CORO2B: variants seen among roughly 807,000 people sequenced by gnomAD.
CORO2B encodes coronin-2B.
In CORO2B, 26 loss-of-function variants were observed where a neutral mutation model predicts 58.8. The ratio of observed to expected loss-of-function variants is 0.44; its 90% CI spans 0.32 to 0.61. The LOEUF is 0.61. Ranked by LOEUF, CORO2B falls within the 20% of genes least tolerant of loss-of-function variation. CORO2B has a pLI of 0.04. For missense variants in CORO2B, 460 were observed against 645.1 expected (o/e 0.71, Z 3.11); for synonymous variants, 242 against 253.8 (o/e 0.95, Z 0.44).
chr15:68,711,291 T>G (rs74020288), intron 4 of CORO2B, among the ~76,000 whole-genome samples: 2,294 of 152,274 alleles, frequency 0.015, 70 homozygotes, highest in African/African-American at 0.053. Context: ...ACAAGGAACA[T>G]GTATCCTTCT....
chr15:68,570,650 C>T, the CORO2B span, among the ~76,000 whole-genome samples: 6 of 152,156 alleles, frequency 3.9e-5, no homozygotes, highest in Admixed American at 3.3e-4. Flanking sequence ...ACAATGAAGG[C>T]TTTGGAAGCT....
the CORO2B span, among the ~76,000 whole-genome samples, chr15:68,562,660 A>G: frequency 6.6e-6 from 1 of 152,216 alleles, no homozygotes; most frequent in East Asian, 1.9e-4. Flanking sequence ...GAGAAATGAG[A>G]AAATTATAAA....
At chr15:68,531,559 A>AGGAAG in the CORO2B span, among the ~76,000 whole-genome samples, 43 of 134,090 alleles carry the variant, frequency 3.2e-4, no homozygotes, top group African/African-American at 1.2e-3. Flanking sequence ...AAGGAAGGAA[A>AGGAAG]GAAAGAGAAA....
chr15:68,531,902 T>C, the CORO2B span, among the ~76,000 whole-genome samples: 1 of 151,988 alleles, frequency 6.6e-6, no homozygotes, highest in South Asian at 2.1e-4. Flanking sequence ...ATTTAGTTTG[T>C]CTTTGTTTTT....
At chr15:68,531,198 A>C in the CORO2B span, among the ~76,000 whole-genome samples, 1 of 152,124 alleles carries the variant, frequency 6.6e-6, no homozygotes, top group East Asian at 1.9e-4. Flanking sequence ...TTTCAAAATA[A>C]GGCCTGGTGT....
intron 3 of CORO2B, among the ~76,000 whole-genome samples, chr15:68,704,941 C>G (rs1892746389): frequency 6.6e-6 from 1 of 152,142 alleles, no homozygotes; most frequent in Non-Finnish European, 1.5e-5. Flanking sequence ...CTGAGCAGAT[C>G]CACAGGGCTC....
At chr15:68,673,063 G>A (rs1902456241) in intron 2 of CORO2B, among the ~76,000 whole-genome samples, 1 of 152,228 alleles carries the variant, frequency 6.6e-6, no homozygotes, top group Non-Finnish European at 1.5e-5. Context: ...GTAGCTTACA[G>A]GGGTGGTGAA....
chr15:68,711,689 T>G lies in CORO2B; in HGVS notation c.631T>G (p.Ser211Ala). The G allele has an allele frequency of 6.2e-7, 1 of 1,614,056 alleles. No homozygotes were observed. Among genetic ancestry groups the G allele is most frequent in the Non-Finnish European group, 8.5e-7 (1 of 1,179,974 alleles). Reference protein sequence around the residue: ...DKKLRVIEPRSGRVLQEANCK... With the variant: ...DKKLRVIEPRAGRVLQEANCK... ...GAAGCTGCGTGTGATTGAGCCCCGC[T>G]CTGGCCGTGTTCTGCAGGTGGAACC... Residue 211 changes from serine (S) to alanine (A), a missense_variant, in exon 5 of 12, where the codon TCT becomes GCT. Ser to Ala is a moderately conservative substitution (Grantham distance 99). This residue lies in a region of CORO2B where 352 missense variants were observed against 543.0 expected (regional missense o/e 0.65). Coordinates refer to ENST00000261861, the MANE Select transcript of CORO2B (RefSeq NM_006091.5).
the CORO2B span, among the ~76,000 whole-genome samples, chr15:68,544,701 A>T: frequency 4.6e-5 from 7 of 152,026 alleles, no homozygotes. Flanking sequence ...GTGGAAGCCC[A>T]TGTCATTGGG....
chr15:68,528,281 A>G, the CORO2B span, among the ~76,000 whole-genome samples: 1 of 152,132 alleles, frequency 6.6e-6, no homozygotes, highest in Non-Finnish European at 1.5e-5. Context: ...TACGTTTTTT[A>G]TATATTCTCT....
intron 1 of CORO2B, among the ~76,000 whole-genome samples, chr15:68,596,749 G>A (rs556772011): frequency 1.6e-4 from 25 of 152,292 alleles, no homozygotes; most frequent in African/African-American, 5.1e-4. Context: ...GGGAGGAGAG[G>A]GGTACAACAC....
the CORO2B span, among the ~76,000 whole-genome samples, chr15:68,561,029 C>T: frequency 5.9e-5 from 9 of 152,132 alleles, no homozygotes; most frequent in Non-Finnish European, 1.2e-4. Flanking sequence ...AGGAATGGCA[C>T]ACAGAGAGCA....
chr15:68,697,833 A>C (rs1892550648), intron 3 of CORO2B, among the ~76,000 whole-genome samples: 2 of 152,220 alleles, frequency 1.3e-5, no homozygotes, highest in South Asian at 4.1e-4. Flanking sequence ...CCCAGTGGCC[A>C]GCACAAGAGG....
chr15:68,633,972 C>G (rs568512527), intron 1 of CORO2B, among the ~76,000 whole-genome samples: 1 of 152,380 alleles, frequency 6.6e-6, no homozygotes, highest in Non-Finnish European at 1.5e-5. Flanking sequence ...ACTCTGAACA[C>G]GGGATCCCGG....
rs1310366204 is a variant in CORO2B at position 68,725,750 on chromosome 15, G to A, written c.1312-93G>A. Reference sequence around the variant, plus strand: ...GAGGCCTGGGGGAATGTGAGGGCACGGGCGGCAGGCAGCTGGAGACTCACC... The same window carrying A: ...GAGGCCTGGGGGAATGTGAGGGCACAGGCGGCAGGCAGCTGGAGACTCACC... On this transcript the variant is annotated intron_variant, in intron 11 of 11. Coordinates refer to ENST00000261861, the MANE Select transcript of CORO2B (RefSeq NM_006091.5). The A allele has an allele frequency of 7.8e-6, 12 of 1,534,906 alleles. No homozygotes were observed. In the African/African-American group the frequency reaches 8.3e-5, roughly 11 times the overall value.
chr15:68,644,143 G>A (rs1452850190), intron 1 of CORO2B, among the ~76,000 whole-genome samples: 6 of 152,146 alleles, frequency 3.9e-5, no homozygotes, highest in Non-Finnish European at 5.9e-5. Context: ...AAATCTTAGC[G>A]GCTTATAACA....
chr15:68,624,889 G>T (rs1308326773), intron 1 of CORO2B, among the ~76,000 whole-genome samples: 1 of 152,068 alleles, frequency 6.6e-6, no homozygotes, highest in Non-Finnish European at 1.5e-5. Context: ...TGCCATGTTG[G>T]CCAGGCTGGT....
At position 68,606,212 on chromosome 15, in the gene CORO2B, G is replaced by A. The variant is rs140093716; in HGVS notation, c.15+26935G>A. Among the ~76,000 whole-genome samples, 948 of 152,248 alleles carry A rather than the reference G, an allele frequency of 6.2e-3. 7 individuals are homozygous for A. Among genetic ancestry groups the A allele is most frequent in the Non-Finnish European group, 0.01 (689 of 68,008 alleles). On this transcript the variant is annotated intron_variant, in intron 1 of 11. Coordinates refer to ENST00000261861, the MANE Select transcript of CORO2B (RefSeq NM_006091.5). ...AAAAAAGAGGCCTAGACCAGGAGTGGGAATTTTGGAGCCATCAGCCTGTAG... is the reference window on the plus strand; with the variant it reads ...AAAAAAGAGGCCTAGACCAGGAGTGAGAATTTTGGAGCCATCAGCCTGTAG...
chr15:68,610,181 T>C (rs1176216881), intron 1 of CORO2B, among the ~76,000 whole-genome samples: 1 of 152,208 alleles, frequency 6.6e-6, no homozygotes, highest in African/African-American at 2.4e-5. Flanking sequence ...TGCAGCCCTC[T>C]GGTTCCAGTG....
Sources: allele counts gnomAD v4.1 joint callset (sites outside exome capture counted in the v4.1 genomes callset), GRCh38; gene constraint gnomAD v4.1.1; regional missense constraint gnomAD v4.1.1; transcripts MANE v1.5; gene names NCBI Gene and HGNC (gene_info 2026-07-23, HGNC 2026-07-21).